GLYAT: variants seen among roughly 807,000 people sequenced by gnomAD.
GLYAT encodes the protein glycine N-acyltransferase.
GLYAT carries 25 observed loss-of-function variants against 22.8 expected under a neutral mutation model. That is an observed-to-expected ratio of 1.09 (90% CI 0.80 to 1.53). The LOEUF is 1.53. Among genes scored for constraint, GLYAT ranks in the 40% most tolerant of loss-of-function variants. The pLI, the probability that GLYAT is intolerant of heterozygous loss-of-function variation, is 0.00. For missense variants in GLYAT, 411 were observed against 353.9 expected (o/e 1.16, Z -1.29); for synonymous variants, 140 against 122.7 (o/e 1.14, Z -0.93).
In GLYAT at chr11:58,717,027, G is replaced by A. The variant is rs116191803; in HGVS notation, c.82-1604C>T. ...GTTTCTGATTAGCCTTTCCAAAGGA[G>A]GCAATCAGATATACATCTTTCTTAG... is the stretch of plus-strand genomic sequence containing the variant. On this transcript the variant is annotated intron_variant, in intron 2 of 5. Coordinates refer to ENST00000344743, the MANE Select transcript of GLYAT (RefSeq NM_201648.3). Among the ~76,000 whole-genome samples, 6 of 152,220 alleles carry A rather than the reference G, an allele frequency of 3.9e-5. No individual in the cohort carries two copies. The South Asian group carries it at 1.0e-3, about 26-fold the overall frequency.
Position 58,715,280 on chromosome 11 carries a change from A to G in GLYAT, c.189+36T>C, listed in dbSNP as rs779318322. The G allele has an allele frequency of 1.9e-5, 17 of 913,858 alleles. 1 individual carries two copies. The highest frequency in any genetic ancestry group is 2.2e-4 in the Middle Eastern group (1 of 4,538). The allele number at this position is 913,858 out of a possible 1,614,324, so 56.6% of individuals were successfully genotyped here. ...AGAATGTAATAGGCACACAGCTAAT[A>G]TAAATATAGAAGAATATTCACACAT... On this transcript the variant is annotated intron_variant, in intron 3 of 5. Coordinates refer to ENST00000344743, the MANE Select transcript of GLYAT (RefSeq NM_201648.3).
At chr11:58,711,944 G>A (rs1454710497) in intron 4 of GLYAT, among the ~76,000 whole-genome samples, 5 of 152,172 alleles carry the variant, frequency 3.3e-5, no homozygotes, top group Non-Finnish European at 2.9e-5. Context: ...GCCTGCTAGC[G>A]ACACATGTTG....
intron 2 of GLYAT, among the ~76,000 whole-genome samples, chr11:58,716,672 C>A (rs560604587): frequency 1.5e-4 from 23 of 151,942 alleles, no homozygotes; most frequent in Non-Finnish European, 2.4e-4. Context: ...TATTAAAATC[C>A]TTTTTAGTCC....
In GLYAT at chr11:58,719,961, A is replaced by G. The variant is rs145319234; in HGVS notation, c.81+4455T>C. On this transcript the variant is annotated intron_variant, in intron 2 of 5. Coordinates refer to ENST00000344743, the MANE Select transcript of GLYAT (RefSeq NM_201648.3). ...GCTTGGAATTTCTGGTTTGTCCTGA[A>G]CATCCCTCTTTTTTAAACAACCACT... Among the ~76,000 whole-genome samples, 210 of 152,112 alleles carry G rather than the reference A, an allele frequency of 1.4e-3. 1 individual carries two copies. The highest frequency in any genetic ancestry group is 5.0e-3 in the Admixed American group (77 of 15,254).
At chr11:58,724,550 G>T in intron 1 of GLYAT, 39 bp from the exon 2 acceptor site, 1 of 1,130,530 alleles carries the variant, frequency 8.8e-7, no homozygotes, top group Non-Finnish European at 1.3e-6. Flanking sequence ...ATTGAGAAAA[G>T]CTAGAGGAGA....
intron 1 of GLYAT, among the ~76,000 whole-genome samples, chr11:58,728,885 A>AAGGAAG (rs1856839731): frequency 8.2e-6 from 1 of 121,584 alleles, no homozygotes; most frequent in African/African-American, 3.8e-5. Context: ...AAAGAAAGAA[A>AAGGAAG]GAAAGAAGGA....
chr11:58,722,433 C>A (rs939302808), intron 2 of GLYAT, among the ~76,000 whole-genome samples: 10 of 151,940 alleles, frequency 6.6e-5, no homozygotes, highest in African/African-American at 2.4e-4. Context: ...AGGCCTCGAT[C>A]AATATATGTA....
intron 1 of GLYAT, 64 bp from the exon 2 acceptor site, chr11:58,724,575 T>A: frequency 1.3e-6 from 1 of 797,676 alleles, no homozygotes; most frequent in Non-Finnish European, 1.9e-6. Flanking sequence ...GAAACAAGAG[T>A]AGCAAGTTCT....
At chr11:58,714,325 G>C (rs1472982637) in intron 3 of GLYAT, among the ~76,000 whole-genome samples, 1 of 152,080 alleles carries the variant, frequency 6.6e-6, no homozygotes, top group Non-Finnish European at 1.5e-5. Context: ...TAGATTTTAA[G>C]TGTTCTCACA....
chr11:58,718,773 A>G (rs776420507), intron 2 of GLYAT, among the ~76,000 whole-genome samples: 13 of 151,986 alleles, frequency 8.6e-5, no homozygotes, highest in Non-Finnish European at 1.9e-4. Context: ...GATGACCAAA[A>G]CAAGACAATA....
intron 1 of GLYAT, among the ~76,000 whole-genome samples, chr11:58,726,985 G>GTCT (rs1856817870): frequency 6.6e-6 from 1 of 151,718 alleles, no homozygotes; most frequent in Admixed American, 6.6e-5. Flanking sequence ...CCCTTAAGAA[G>GTCT]TGCTGACTCA....
intron 1 of GLYAT, among the ~76,000 whole-genome samples, chr11:58,730,201 A>G (rs1856858063): frequency 6.6e-6 from 1 of 152,202 alleles, no homozygotes; most frequent in African/African-American, 2.4e-5. Context: ...TAGGCTGAGC[A>G]TGGTGGCTTG....
At chr11:58,719,377 T>A (rs483101) in intron 2 of GLYAT, among the ~76,000 whole-genome samples, 22 of 151,698 alleles carry the variant, frequency 1.5e-4, no homozygotes, top group Admixed American at 3.3e-4. Flanking sequence ...AAAATGTAAC[T>A]TCCTTAAGCC....
chr11:58,721,019 TAA>T (rs1019918599), intron 2 of GLYAT, among the ~76,000 whole-genome samples: 2 of 152,162 alleles, frequency 1.3e-5, no homozygotes, highest in South Asian at 4.1e-4. Flanking sequence ...GTTTTTTCTT[TAA>T]GTCAATTAAT....
At chr11:58,727,406 C>T (rs1276510406) in intron 1 of GLYAT, among the ~76,000 whole-genome samples, 6 of 152,096 alleles carry the variant, frequency 3.9e-5, no homozygotes, top group African/African-American at 7.2e-5. Context: ...GGTAGGTGTG[C>T]AAGACAATTT....
At chr11:58,710,211 G>C in intron 5 of GLYAT, 43 bp from the exon 6 acceptor site, 1 of 1,559,170 alleles carries the variant, frequency 6.4e-7, no homozygotes, top group Non-Finnish European at 8.7e-7. Flanking sequence ...TTAGTATAAA[G>C]GTTTGTATTT....
chr11:58,711,396 C>A (rs898258609), intron 4 of GLYAT, among the ~76,000 whole-genome samples: 1 of 152,056 alleles, frequency 6.6e-6, no homozygotes, highest in African/African-American at 2.4e-5. Flanking sequence ...GTGAGTGTAC[C>A]CTTTCTGCAG....
intron 2 of GLYAT, 109 bp from the exon 3 acceptor site, chr11:58,715,532 T>C (rs1174498496): frequency 4.8e-6 from 3 of 630,144 alleles, no homozygotes; most frequent in Admixed American, 2.7e-5. Flanking sequence ...CATTTTATGA[T>C]ACAAAGTAGC....
At chr11:58,713,112 T>A (rs1388679478) in intron 3 of GLYAT, among the ~76,000 whole-genome samples, 1 of 152,104 alleles carries the variant, frequency 6.6e-6, no homozygotes, top group Non-Finnish European at 1.5e-5. Flanking sequence ...CCAGAATAAT[T>A]ATTATTTCCA....
Sources: allele counts gnomAD v4.1 joint callset (sites outside exome capture counted in the v4.1 genomes callset), GRCh38; gene constraint gnomAD v4.1.1; transcripts MANE v1.5; gene names NCBI Gene and HGNC (gene_info 2026-07-23, HGNC 2026-07-21).